The following MYO1B variants were observed in gnomAD, a reference collection of about 807,000 sequenced individuals.
MYO1B encodes the protein unconventional myosin-Ib.
A neutral mutation model predicts 159.7 loss-of-function variants in MYO1B; 72 were observed. That is an observed-to-expected ratio of 0.45 (90% CI 0.37 to 0.55). The LOEUF is 0.55. MYO1B is among the 20% of genes least tolerant of loss of function. The pLI is 0.00. For missense variants in MYO1B, 1,062 were observed against 1,364.8 expected (o/e 0.78, Z 3.50); for synonymous variants, 468 against 473.8 (o/e 0.99, Z 0.16).
intron 2 of MYO1B, among the ~76,000 whole-genome samples, chr2:191,278,297 G>C (rs1687864398): frequency 6.6e-6 from 1 of 152,160 alleles, no homozygotes; most frequent in African/African-American, 2.4e-5. Flanking sequence ...TCCTTCATAA[G>C]GGCACTAATC....
At chr2:191,417,780 G>C (rs904489130) in intron 30 of MYO1B, among the ~76,000 whole-genome samples, 1 of 152,190 alleles carries the variant, frequency 6.6e-6, no homozygotes, top group Non-Finnish European at 1.5e-5. Context: ...ACATCTCAGA[G>C]TCCCTGAAAT....
intron 14 of MYO1B, among the ~76,000 whole-genome samples, chr2:191,382,673 C>T (rs1295008594): frequency 1.3e-5 from 2 of 152,116 alleles, no homozygotes; most frequent in Non-Finnish European, 2.9e-5. Flanking sequence ...GTTAAGTAGA[C>T]ACAGAAAGAT....
chr2:191,361,949 A>T (rs965482481), intron 8 of MYO1B, among the ~76,000 whole-genome samples: 1 of 152,204 alleles, frequency 6.6e-6, no homozygotes, highest in Non-Finnish European at 1.5e-5. Context: ...CACATATGTT[A>T]TAATGAAATA....
intron 2 of MYO1B, among the ~76,000 whole-genome samples, chr2:191,291,942 T>C (rs1177249468): frequency 1.3e-5 from 2 of 152,206 alleles, no homozygotes; most frequent in African/African-American, 4.8e-5. Context: ...AATGTCTTTC[T>C]GTGTCTCAGA....
Position 191,398,430 on chromosome 2 carries a change from C to CG in MYO1B, c.2295+1933_2295+1934insG, listed in dbSNP as rs1468189443. ...TGGCCGGGCGGGGGGCTGACCCCCC[C>CG]CCACCTCCCTCCCGGACGGAGACGC... On this transcript the variant is annotated intron_variant, in intron 21 of 30. Transcript: ENST00000392318. Among the ~76,000 whole-genome samples the CG allele has an allele frequency of 1.0e-3, 146 of 145,936 alleles. 10 individuals carry two copies. Among genetic ancestry groups the CG allele is most frequent in the Non-Finnish European group, 2.0e-3 (134 of 65,422 alleles).
chr2:191,354,474 A>G (rs762860174), intron 7 of MYO1B, among the ~76,000 whole-genome samples: 8 of 152,068 alleles, frequency 5.3e-5, no homozygotes, highest in Non-Finnish European at 1.2e-4. Context: ...AATCCCAGAA[A>G]GTCAAACAAA....
chr2:191,365,061 C>G (rs1013851212), intron 11 of MYO1B, among the ~76,000 whole-genome samples: 1 of 152,182 alleles, frequency 6.6e-6, no homozygotes, highest in Admixed American at 6.5e-5. Context: ...TGAGCTGCTG[C>G]CTTCTCTCCT....
intron 1 of MYO1B, among the ~76,000 whole-genome samples, chr2:191,260,327 A>G (rs950361776): frequency 2.4e-5 from 3 of 127,538 alleles, no homozygotes; most frequent in African/African-American, 5.3e-5. Context: ...GGAGCCTTAT[A>G]TGCATGGTAC....
chr2:191,319,882 G>A (rs1446776464), intron 3 of MYO1B, among the ~76,000 whole-genome samples: 1 of 152,166 alleles, frequency 6.6e-6, no homozygotes, highest in Non-Finnish European at 1.5e-5. Flanking sequence ...TAGGAATGGA[G>A]AAGGAGTCAT....
At chr2:191,336,078 G>A (rs940759574) in intron 4 of MYO1B, among the ~76,000 whole-genome samples, 11 of 152,154 alleles carry the variant, frequency 7.2e-5, no homozygotes, top group Admixed American at 2.6e-4. Flanking sequence ...GGCAGAATAT[G>A]AGGGAACCAT....
At chr2:191,306,866 T>C (rs1032584858) in intron 3 of MYO1B, among the ~76,000 whole-genome samples, 1 of 152,160 alleles carries the variant, frequency 6.6e-6, no homozygotes, top group Admixed American at 6.5e-5. Flanking sequence ...GATAATTGTA[T>C]GTTTCTAACA....
chr2:191,301,127 C>A (rs1689302666), intron 3 of MYO1B, among the ~76,000 whole-genome samples: 1 of 152,166 alleles, frequency 6.6e-6, no homozygotes, highest in Non-Finnish European at 1.5e-5. Flanking sequence ...TGGGTGGCAT[C>A]CCCAAGGAAA....
chr2:191,366,998 G>A (rs1238594067), intron 11 of MYO1B, among the ~76,000 whole-genome samples: 1 of 151,950 alleles, frequency 6.6e-6, no homozygotes, highest in Admixed American at 6.6e-5. Context: ...ACCTTGCTTT[G>A]TCACTTGCCG....
intron 7 of MYO1B, among the ~76,000 whole-genome samples, chr2:191,353,584 A>T (rs147663304): frequency 6.6e-6 from 1 of 152,288 alleles, no homozygotes; most frequent in Non-Finnish European, 1.5e-5. Context: ...TGTAAGTGCA[A>T]ATACGGGCAG....
At chr2:191,418,052 T>C (rs1697686121) in intron 30 of MYO1B, among the ~76,000 whole-genome samples, 2 of 152,162 alleles carry the variant, frequency 1.3e-5, no homozygotes, top group South Asian at 4.1e-4. Flanking sequence ...AAAACAAACA[T>C]TGGGTAGCAT....
chr2:191,386,670 C>T (rs1245309853), intron 16 of MYO1B, among the ~76,000 whole-genome samples: 1 of 151,772 alleles, frequency 6.6e-6, no homozygotes. Context: ...TTGCAAACTT[C>T]AAAGGGAAAA....
chr2:191,267,858 C>T lies in MYO1B; in HGVS notation c.-9-9029C>T, dbSNP rs533052003. Among the ~76,000 whole-genome samples the T allele has an allele frequency of 3.3e-5, 5 of 152,272 alleles. No individual in the cohort carries two copies. The South Asian group carries it at 8.3e-4, about 25-fold the overall frequency. ...CATGAGGACATTCCTGGTGTGTCAT[C>T]GAGGCTCTCTGATGGTCCTTTGCCA... On this transcript the variant is annotated intron_variant, in intron 1 of 30. Transcript: ENST00000392318.
chr2:191,415,322 T>G (rs1266602548), intron 29 of MYO1B, among the ~76,000 whole-genome samples: 1 of 152,184 alleles, frequency 6.6e-6, no homozygotes, highest in African/African-American at 2.4e-5. Flanking sequence ...TAACAAATAT[T>G]GATCATATGT....
At chr2:191,277,425 T>C (rs539350763) in intron 2 of MYO1B, among the ~76,000 whole-genome samples, 2 of 152,302 alleles carry the variant, frequency 1.3e-5, no homozygotes, top group East Asian at 3.9e-4. Context: ...AAAAAAGACA[T>C]GAACTTTCTC....
Sources: gnomAD v4.1 joint callset for allele counts (sites outside exome capture counted in the v4.1 genomes callset) on GRCh38, gnomAD v4.1.1 for gene constraint, MANE v1.5 for transcripts, NCBI Gene and HGNC (gene_info 2026-07-23, HGNC 2026-07-21) for gene names.